CNIH3: variants seen among roughly 807,000 people sequenced by gnomAD.
CNIH3 encodes the protein protein cornichon homolog 3.
A neutral mutation model predicts 24.1 loss-of-function variants in CNIH3; 14 were observed. That is an observed-to-expected ratio of 0.58 (90% CI 0.38 to 0.91). The LOEUF (loss-of-function observed/expected upper bound fraction) is 0.91, where lower values mean the gene tolerates loss of function less well. Ranked by LOEUF, CNIH3 falls within the 40% of genes least tolerant of loss-of-function variation. The probability of loss-of-function intolerance (pLI) is 0.00; values close to 1 mark genes in which losing one functional copy is unlikely to be tolerated. For missense variants in CNIH3, 178 were observed against 196.8 expected, an observed-to-expected ratio of 0.90 and a Z score of 0.57; for synonymous variants, 68 against 73.8, an observed-to-expected ratio of 0.92 and a Z score of 0.40.
At chr1:224,625,936 A>G (rs1683504446) in intron 1 of CNIH3, among the ~76,000 whole-genome samples, 1 of 149,224 alleles carries the variant, frequency 6.7e-6, no homozygotes, top group African/African-American at 2.4e-5. Context: ...ATCTTGTAAT[A>G]CCCATTTTTT....
rs149583800 is a variant in CNIH3, at chr1:224,682,928, A to G, written c.151-1868A>G. Among the ~76,000 whole-genome samples the G allele has an allele frequency of 5.6e-3, 848 of 152,370 alleles. 13 individuals carry two copies. Among genetic ancestry groups the G allele is most frequent in the African/African-American group, 0.019 (798 of 41,588 alleles). On this transcript the variant is annotated intron_variant, in intron 2 of 5. Transcript: ENST00000272133. ...TGCTCAATTCTATCATGCAAATTCC[A>G]TGCTGGGTTGCAGGTGATTGGTGAA...
chr1:224,468,962 G>A (rs146517794), intron 1 of CNIH3, among the ~76,000 whole-genome samples: 342 of 151,894 alleles, frequency 2.3e-3, no homozygotes, highest in African/African-American at 8.0e-3. Flanking sequence ...ATCAAGTTGA[G>A]TCAGTTCCTC....
At chr1:224,500,293 T>C (rs936718218) in intron 1 of CNIH3, among the ~76,000 whole-genome samples, 3 of 152,106 alleles carry the variant, frequency 2.0e-5, no homozygotes, top group Non-Finnish European at 4.4e-5. Context: ...GATTACAAAC[T>C]GAGCCACTGT....
At chr1:224,538,466 C>T (rs991743352), downstream of CNIH3, among the ~76,000 whole-genome samples, 4 of 151,980 alleles carry the variant, frequency 2.6e-5, no homozygotes, top group African/African-American at 4.8e-5. Context: ...TTGATGTGGT[C>T]GTAGCACCGA....
At chr1:224,724,323 G>T (rs1025935725) in intron 3 of CNIH3, among the ~76,000 whole-genome samples, 4 of 152,164 alleles carry the variant, frequency 2.6e-5, no homozygotes, top group African/African-American at 9.7e-5. Context: ...AGGCCTATGG[G>T]GCTGGGCAGC....
chr1:224,493,149 T>C (rs1677298899), intron 1 of CNIH3, among the ~76,000 whole-genome samples: 1 of 152,236 alleles, frequency 6.6e-6, no homozygotes, highest in African/African-American at 2.4e-5. Flanking sequence ...ATTTTCCTTC[T>C]TTTTATTTTT....
At chr1:224,532,731 C>G (rs1179330289) in intron 2 of CNIH3, among the ~76,000 whole-genome samples, 1 of 152,122 alleles carries the variant, frequency 6.6e-6, no homozygotes, top group East Asian at 1.9e-4. Flanking sequence ...TAAATGGAGT[C>G]AAGAATAACT....
chr1:224,584,905 G>T (rs1053251688), intron 5 of CNIH3, among the ~76,000 whole-genome samples: 1 of 152,272 alleles, frequency 6.6e-6, no homozygotes, highest in East Asian at 1.9e-4. Flanking sequence ...GAATGGGAAC[G>T]ACACAGCTAC....
At chr1:224,628,487 C>T (rs997411110) in intron 1 of CNIH3, among the ~76,000 whole-genome samples, 2 of 152,066 alleles carry the variant, frequency 1.3e-5, no homozygotes, top group Non-Finnish European at 2.9e-5. Context: ...CCTTGTCCCT[C>T]TAAACTGATC....
chr1:224,578,465 A>AT (rs1190355826), intron 4 of CNIH3, among the ~76,000 whole-genome samples: 59 of 152,054 alleles, frequency 3.9e-4, no homozygotes, highest in Non-Finnish European at 2.5e-4. Flanking sequence ...TTCCTTCACC[A>AT]TTATCCTAGA....
chr1:224,656,492 T>C (rs1026988264), intron 1 of CNIH3, among the ~76,000 whole-genome samples: 4 of 152,290 alleles, frequency 2.6e-5, no homozygotes, highest in African/African-American at 9.6e-5. Context: ...AAAGTTCATG[T>C]TCCCTTTATG....
chr1:224,454,861 A>G lies in CNIH3; in HGVS notation n.203+19999A>G, dbSNP rs145066207. Among the ~76,000 whole-genome samples, 472 of 152,272 alleles carry G rather than the reference A, an allele frequency of 3.1e-3. 3 individuals are homozygous for G. Among genetic ancestry groups the G allele is most frequent in the African/African-American group, 0.011 (448 of 41,558 alleles). ...TCACTGTCATTAGGATACCATACACATGGCAAAACCAAATATAACCACCCA... is the reference window on the plus strand; with the variant it reads ...TCACTGTCATTAGGATACCATACACGTGGCAAAACCAAATATAACCACCCA... On this transcript the variant is annotated intron_variant and non_coding_transcript_variant, in intron 1 of 5. Transcript: ENST00000471578.
intron 3 of CNIH3, among the ~76,000 whole-genome samples, chr1:224,554,050 G>A (rs1680036491): frequency 6.6e-6 from 1 of 152,140 alleles, no homozygotes. Flanking sequence ...CCACAAGGGT[G>A]CTGGAAAATG....
chr1:224,658,035 A>G (rs959550030), intron 1 of CNIH3, among the ~76,000 whole-genome samples: 1 of 152,240 alleles, frequency 6.6e-6, no homozygotes. Flanking sequence ...AAGAAAGTTA[A>G]ACATTTACTA....
At chr1:224,490,376 A>T (rs1237657471) in intron 1 of CNIH3, among the ~76,000 whole-genome samples, 1 of 152,152 alleles carries the variant, frequency 6.6e-6, no homozygotes, top group East Asian at 1.9e-4. Flanking sequence ...AATTATAGAG[A>T]GTAATCCTGG....
At chr1:224,572,515 TAAA>T (rs772549317) in intron 4 of CNIH3, among the ~76,000 whole-genome samples, 4 of 114,104 alleles carry the variant, frequency 3.5e-5, no homozygotes, top group African/African-American at 3.3e-5. Context: ...AACTCCATCT[TAAA>T]AAAAAAAAAA....
chr1:224,599,457 A>T (rs16850015), intron 3 of CNIH3, among the ~76,000 whole-genome samples: 1 of 152,152 alleles, frequency 6.6e-6, no homozygotes, highest in Non-Finnish European at 1.5e-5. Context: ...GAAGCATTTA[A>T]TAAATAGAAA....
chr1:224,636,450 C>T (rs1684091111), intron 1 of CNIH3, among the ~76,000 whole-genome samples: 1 of 152,216 alleles, frequency 6.6e-6, no homozygotes, highest in African/African-American at 2.4e-5. Flanking sequence ...AATTCTGCTT[C>T]CTAATTACCA....
intron 3 of CNIH3, among the ~76,000 whole-genome samples, chr1:224,712,072 A>G (rs10915703): frequency 0.28 from 42,324 of 151,910 alleles, 6,039 homozygotes; most frequent in East Asian, 0.35. Context: ...GCCAGCCGGG[A>G]ACCTCCCCTC....
Sources: gnomAD v4.1 joint callset for allele counts (sites outside exome capture counted in the v4.1 genomes callset) on GRCh38, gnomAD v4.1.1 for gene constraint, MANE v1.5 for transcripts, NCBI Gene and HGNC (gene_info 2026-07-23, HGNC 2026-07-21) for gene names.